The following ADAM29 variants were observed in gnomAD, a reference collection of about 807,000 sequenced individuals.
ADAM29 encodes disintegrin and metalloproteinase domain-containing protein 29.
For synonymous variants in ADAM29, 367 were observed against 342.3 expected, an observed-to-expected ratio of 1.07 and a Z score of -0.80; for missense variants, 969 against 1,001.8, an observed-to-expected ratio of 0.97 and a Z score of 0.44.
chr4:174,925,169 A>G (rs6853513), intron 2 of ADAM29, among the ~76,000 whole-genome samples: 32,780 of 152,144 alleles, frequency 0.22, 4,916 homozygotes, highest in African/African-American at 0.43. Context: ...ACTAATTGTG[A>G]TGTGGTGTCC....
chr4:174,927,234 T>C (rs1370210477), intron 2 of ADAM29, among the ~76,000 whole-genome samples: 1 of 152,254 alleles, frequency 6.6e-6, no homozygotes, highest in Non-Finnish European at 1.5e-5. Flanking sequence ...ACTCTACTTT[T>C]AGGTGTTTGC....
intron 2 of ADAM29, 34 bp downstream of exon 2, chr4:174,920,826 C>T (rs932259883): frequency 6.6e-6 from 1 of 151,960 alleles, no homozygotes; most frequent in African/African-American, 2.4e-5. Flanking sequence ...ATGTAATTAT[C>T]TTACATTATC....
At chr4:174,938,109 T>C (rs1209952231) in intron 4 of ADAM29, among the ~76,000 whole-genome samples, 1 of 152,072 alleles carries the variant, frequency 6.6e-6, no homozygotes, top group African/African-American at 2.4e-5. Context: ...ATAGATTATT[T>C]GAAGGGTCTC....
At chr4:174,966,287 T>C (rs1156547041) in intron 4 of ADAM29, among the ~76,000 whole-genome samples, 1 of 152,220 alleles carries the variant, frequency 6.6e-6, no homozygotes, top group Non-Finnish European at 1.5e-5. Context: ...AGGCTGACTA[T>C]ATATTCATTC....
chr4:174,928,737 T>A (rs1743672480), intron 2 of ADAM29, among the ~76,000 whole-genome samples: 2 of 152,136 alleles, frequency 1.3e-5, no homozygotes, highest in African/African-American at 4.8e-5. Context: ...TTGGTAAACA[T>A]GATTCGGCCA....
At chr4:174,926,506 C>G (rs753083151) in intron 2 of ADAM29, among the ~76,000 whole-genome samples, 16 of 152,088 alleles carry the variant, frequency 1.1e-4, no homozygotes, top group South Asian at 6.2e-4. Context: ...TATTGACACT[C>G]TAAAACAATG....
chr4:174,956,729 C>A (rs1220884360), intron 4 of ADAM29, among the ~76,000 whole-genome samples: 2 of 151,772 alleles, frequency 1.3e-5, no homozygotes, highest in Non-Finnish European at 3.0e-5. Flanking sequence ...TCTCTGTAAA[C>A]ACAGATGGAA....
intron 2 of ADAM29, among the ~76,000 whole-genome samples, chr4:174,929,807 A>T (rs1258085324): frequency 2.7e-5 from 4 of 148,208 alleles, no homozygotes; most frequent in African/African-American, 5.0e-5. Context: ...CCCAGGCTGG[A>T]GTGCAGTGGC....
Position 174,976,358 on chromosome 4 carries a change from C to A in ADAM29, c.833C>A (p.Thr278Lys). 2 of 1,606,614 alleles carry A rather than the reference C, an allele frequency of 1.2e-6. No homozygotes were observed. The highest frequency in any genetic ancestry group is 1.7e-6 in the Non-Finnish European group (2 of 1,177,182). The change falls in exon 5 of 5, where the codon ACG becomes AAG. Residue 278 changes from threonine to lysine, a missense_variant. Thr to Lys is a moderately conservative substitution (Grantham distance 78). Transcript: ENST00000359240. ...LYCKWKSENI[T>K]PRMQHDTSHL... ...TGCAAGTGGAAGTCGGAGAACATTA[C>A]GCCCCGGATGCAACATGACACCTCA...
intron 4 of ADAM29, among the ~76,000 whole-genome samples, chr4:174,943,836 G>A (rs571481447): frequency 1.1e-4 from 16 of 150,402 alleles, no homozygotes; most frequent in South Asian, 2.1e-4. Context: ...AAAGGAAGTC[G>A]TTCAGTGATT....
chr4:174,953,453 A>G (rs1044608564), intron 4 of ADAM29, among the ~76,000 whole-genome samples: 1 of 152,206 alleles, frequency 6.6e-6, no homozygotes, highest in Non-Finnish European at 1.5e-5. Context: ...CAAAAATAGC[A>G]GATATTTGTT....
chr4:174,933,477 T>TAA, intron 3 of ADAM29, among the ~76,000 whole-genome samples: 1 of 149,772 alleles, frequency 6.7e-6, no homozygotes. Context: ...AAGCTCTATT[T>TAA]AAAAAAAAAA....
chr4:174,976,791 T>A lies in ADAM29; in HGVS notation c.1266T>A (p.Asp422Glu). The part of the protein sequence containing the change: ...DCGPLKHCAK[D>E]PCCLSNCTLT... ...GACCTTTAAAGCATTGTGCAAAAGA[T>A]CCCTGCTGTCTGTCAAATTGCACTC... The change falls in exon 5 of 5, where the codon GAT becomes GAA. Residue 422 changes from aspartate to glutamate, a missense_variant. Physicochemically the swap from Asp to Glu is conservative, Grantham distance 45. Transcript: ENST00000359240. 1 of 1,614,174 alleles carries A rather than the reference T, an allele frequency of 6.2e-7. No individual in the cohort carries two copies. The highest frequency in any genetic ancestry group is 8.5e-7 in the Non-Finnish European group (1 of 1,180,028).
At chr4:174,970,943 A>G (rs927510283) in intron 4 of ADAM29, among the ~76,000 whole-genome samples, 3 of 151,906 alleles carry the variant, frequency 2.0e-5, no homozygotes. Context: ...TAAGCTGATA[A>G]GTTCAATAGC....
At chr4:174,920,622 C>G (rs1164426613) in intron 1 of ADAM29, 65 bp from the exon 2 acceptor site, 1 of 152,052 alleles carries the variant, frequency 6.6e-6, no homozygotes, top group Non-Finnish European at 1.5e-5. Context: ...TTTTAACTCA[C>G]CATTTTGACC....
At chr4:174,948,207 T>C (rs1744961032) in intron 4 of ADAM29, among the ~76,000 whole-genome samples, 1 of 152,230 alleles carries the variant, frequency 6.6e-6, no homozygotes. Context: ...GGGAAACTAC[T>C]GCAATCATCT....
intron 3 of ADAM29, among the ~76,000 whole-genome samples, chr4:174,933,474 AT>A (rs1362645215): frequency 6.6e-6 from 1 of 151,840 alleles, no homozygotes; most frequent in African/African-American, 2.4e-5. Flanking sequence ...ACCAAGCTCT[AT>A]TTAAAAAAAA....
intron 4 of ADAM29, among the ~76,000 whole-genome samples, chr4:174,940,395 A>G (rs1744462323): frequency 6.6e-6 from 1 of 152,158 alleles, no homozygotes; most frequent in Admixed American, 6.5e-5. Context: ...ATATGATATT[A>G]AAACTTGAGG....
chr4:174,923,496 C>A (rs1743288138), intron 2 of ADAM29, among the ~76,000 whole-genome samples: 2 of 138,900 alleles, frequency 1.4e-5, no homozygotes, highest in African/African-American at 2.7e-5. Context: ...CCTACCTGTG[C>A]ATCATCCCCT....
Sources: gnomAD v4.1 joint callset for allele counts (sites outside exome capture counted in the v4.1 genomes callset) on GRCh38, gnomAD v4.1.1 for gene constraint, MANE v1.5 for transcripts, NCBI Gene and HGNC (gene_info 2026-07-23, HGNC 2026-07-21) for gene names.